The following MARCHF3 variants were observed in gnomAD, a reference collection of about 807,000 sequenced individuals.
MARCHF3 encodes E3 ubiquitin-protein ligase MARCHF3.
Under a neutral mutation model 24.2 loss-of-function variants are expected in MARCHF3, and 13 were observed. That is an observed-to-expected ratio of 0.54 (90% CI 0.35 to 0.85). The LOEUF (loss-of-function observed/expected upper bound fraction) is 0.85. Among genes scored for constraint, MARCHF3 ranks in the 40% least tolerant of loss-of-function variants. The probability of loss-of-function intolerance (pLI) is 0.01; values close to 1 mark genes in which losing one functional copy is unlikely to be tolerated. For synonymous variants in MARCHF3, 144 were observed against 137.3 expected (o/e 1.05, Z -0.34); for missense variants, 276 against 325.0 (o/e 0.85, Z 1.16).
At chr5:127,008,388 G>A (rs747940398) in intron 1 of MARCHF3, among the ~76,000 whole-genome samples, 6 of 152,200 alleles carry the variant, frequency 3.9e-5, no homozygotes, top group Non-Finnish European at 7.3e-5. Context: ...AATCAAGTGA[G>A]GTTACTGGGG....
chr5:126,990,851 C>A (rs142282676), intron 1 of MARCHF3, among the ~76,000 whole-genome samples: 1,682 of 152,292 alleles, frequency 0.011, 37 homozygotes, highest in African/African-American at 0.039. Flanking sequence ...CAATGAGATA[C>A]CATCTCACAC....
At chr5:126,905,464 A>G (rs1172080985) in intron 3 of MARCHF3, among the ~76,000 whole-genome samples, 4 of 149,172 alleles carry the variant, frequency 2.7e-5, no homozygotes, top group African/African-American at 1.0e-4. Flanking sequence ...ATGTTCTTCC[A>G]TTTGTTTGTA....
intron 1 of MARCHF3, among the ~76,000 whole-genome samples, chr5:127,023,779 A>AAAAT (rs1554073705): frequency 3.4e-4 from 50 of 147,622 alleles, no homozygotes; most frequent in African/African-American, 1.1e-3. Flanking sequence ...TAAATAAATA[A>AAAAT]AAATAAAAAA....
At chr5:126,914,659 CCT>C (rs1286270838) in intron 3 of MARCHF3, 1 of 530,390 alleles carries the variant, frequency 1.9e-6, no homozygotes, top group Admixed American at 3.1e-5. Flanking sequence ...CTAAACTGGC[CCT>C]TTCTCCTTAT....
At chr5:127,018,665 G>A (rs909013455) in intron 1 of MARCHF3, among the ~76,000 whole-genome samples, 1 of 152,206 alleles carries the variant, frequency 6.6e-6, no homozygotes, top group Non-Finnish European at 1.5e-5. Flanking sequence ...ATGGAAGCCA[G>A]TATGGCTGGA....
Position 127,027,907 on chromosome 5 carries a change from A to C in MARCHF3, c.-57+2443T>G, listed in dbSNP as rs576704905. The stretch of plus-strand genomic sequence containing the variant: ...GTGCCTGTGAAAATGCAGATTCCTA[A>C]GGTCCATCCCAGACTCCTAAATTGA... On this transcript the variant is annotated intron_variant, in intron 1 of 4. Coordinates refer to ENST00000308660, the MANE Select transcript of MARCHF3 (RefSeq NM_178450.5). Among the ~76,000 whole-genome samples the C allele has an allele frequency of 1.4e-4, 21 of 152,316 alleles. No individual in the cohort carries two copies. In the South Asian group the frequency reaches 4.4e-3, roughly 32 times the overall value.
chr5:126,976,958 G>A (rs1433064316), intron 1 of MARCHF3, among the ~76,000 whole-genome samples: 1 of 152,244 alleles, frequency 6.6e-6, no homozygotes, highest in African/African-American at 2.4e-5. Context: ...GCTTTGAAGA[G>A]AAAGGAAGGT....
At chr5:126,895,455 G>T (rs1431218194) in intron 3 of MARCHF3, among the ~76,000 whole-genome samples, 1 of 152,018 alleles carries the variant, frequency 6.6e-6, no homozygotes, top group Non-Finnish European at 1.5e-5. Flanking sequence ...ATCTACTTTT[G>T]GTCTTTGATG....
At position 126,944,992 on chromosome 5, in the gene MARCHF3, CT is replaced by C. The variant is rs35396546; in HGVS notation, c.-56-26766del. Among the ~76,000 whole-genome samples the C allele has an allele frequency of 2.6e-4, 39 of 152,244 alleles. 1 individual carries two copies. The highest frequency in any genetic ancestry group is 9.4e-4 in the African/African-American group (39 of 41,546). On this transcript the variant is annotated intron_variant, in intron 1 of 4. Transcript: ENST00000308660. The stretch of plus-strand genomic sequence containing the variant: ...TTAGTATTTTGCAGAATACCAGTCA[CT>C]TTTTTTGCCTGCCCCTTCCTCCCTC...
At chr5:126,981,903 G>C (rs1751408165) in intron 1 of MARCHF3, among the ~76,000 whole-genome samples, 1 of 152,160 alleles carries the variant, frequency 6.6e-6, no homozygotes, top group East Asian at 1.9e-4. Context: ...ATGGTATTTA[G>C]AATTCCTATA....
At chr5:127,021,112 A>G (rs1319387215) in intron 1 of MARCHF3, among the ~76,000 whole-genome samples, 1 of 152,136 alleles carries the variant, frequency 6.6e-6, no homozygotes, top group Non-Finnish European at 1.5e-5. Flanking sequence ...AGATATCATC[A>G]ACTGACACTG....
intron 1 of MARCHF3, among the ~76,000 whole-genome samples, chr5:126,976,841 C>A (rs985437591): frequency 2.0e-5 from 3 of 152,242 alleles, no homozygotes; most frequent in African/African-American, 7.2e-5. Flanking sequence ...AGGCAGCCCA[C>A]ACATCCTGCC....
chr5:126,947,870 C>T (rs1317645585), intron 1 of MARCHF3, among the ~76,000 whole-genome samples: 3 of 144,874 alleles, frequency 2.1e-5, no homozygotes, highest in Non-Finnish European at 4.5e-5. Flanking sequence ...CTGCCTCCCA[C>T]GTGGGTTTGG....
intron 2 of MARCHF3, among the ~76,000 whole-genome samples, chr5:126,916,830 C>G (rs1336570063): frequency 1.3e-5 from 2 of 152,136 alleles, no homozygotes; most frequent in Non-Finnish European, 2.9e-5. Flanking sequence ...ACATCAGTCA[C>G]CCAGTCTCAG....
intron 1 of MARCHF3, among the ~76,000 whole-genome samples, chr5:126,961,074 A>C (rs1261877930): frequency 1.3e-5 from 2 of 152,148 alleles, no homozygotes; most frequent in Non-Finnish European, 2.9e-5. Context: ...AGTACAGATA[A>C]TAAGATGAGG....
intron 1 of MARCHF3, among the ~76,000 whole-genome samples, chr5:126,920,298 A>AAAAG (rs980147631): frequency 1.3e-5 from 2 of 152,158 alleles, no homozygotes; most frequent in African/African-American, 4.8e-5. Flanking sequence ...AAGAGATGTT[A>AAAAG]AAAGACCGTC....
At chr5:126,977,178 A>C (rs374862004) in intron 1 of MARCHF3, among the ~76,000 whole-genome samples, 1 of 152,362 alleles carries the variant, frequency 6.6e-6, no homozygotes, top group South Asian at 2.1e-4. Flanking sequence ...ACATGAAGTC[A>C]TGCTGCTGAA....
At chr5:127,026,002 A>T (rs913067337) in intron 1 of MARCHF3, among the ~76,000 whole-genome samples, 1 of 152,114 alleles carries the variant, frequency 6.6e-6, no homozygotes, top group Non-Finnish European at 1.5e-5. Context: ...TTTTACAAGG[A>T]GATTTTGCTA....
At chr5:126,921,528 A>G (rs1749107722) in intron 1 of MARCHF3, among the ~76,000 whole-genome samples, 1 of 152,222 alleles carries the variant, frequency 6.6e-6, no homozygotes. Context: ...GCCACCTGGG[A>G]AAACAGCAGG....
Sources: gnomAD v4.1 joint callset for allele counts (sites outside exome capture counted in the v4.1 genomes callset) on GRCh38, gnomAD v4.1.1 for gene constraint, MANE v1.5 for transcripts, NCBI Gene and HGNC (gene_info 2026-07-23, HGNC 2026-07-21) for gene names.